Variants in SDC2 observed in about 807,000 individuals in gnomAD.
SDC2 encodes syndecan-2.
In SDC2, 13 loss-of-function variants were observed where a neutral mutation model predicts 22.2. That is an observed-to-expected ratio of 0.59 (90% CI 0.38 to 0.93). The LOEUF (loss-of-function observed/expected upper bound fraction) is 0.93. Ranked by LOEUF, SDC2 falls within the 40% of genes least tolerant of loss-of-function variation. The probability of loss-of-function intolerance (pLI) is 0.00; values close to 1 mark genes in which losing one functional copy is unlikely to be tolerated. For synonymous variants in SDC2, 94 were observed against 92.8 expected (o/e 1.01, Z -0.07); for missense variants, 235 against 246.8 (o/e 0.95, Z 0.32).
chr8:96,504,322 A>G (rs1183415914), intron 1 of SDC2, among the ~76,000 whole-genome samples: 1 of 152,238 alleles, frequency 6.6e-6, no homozygotes, highest in Non-Finnish European at 1.5e-5. Flanking sequence ...AGGATGGGCC[A>G]TGACATATAT....
At position 96,609,402 on chromosome 8, in the gene SDC2, G is replaced by A. The variant is rs1396510741; in HGVS notation, c.460G>A (p.Val154Ile). The stretch of plus-strand genomic sequence containing the variant: ...TGTTTCAGCTGTCATTGCTGGTGGA[G>A]TTATTGGCTTTCTCTTTGCAATTTT... ...EVLAAVIAGG[V>I]IGFLFAIFLI... The change falls in exon 5 of 5, where the codon GTT becomes ATT. Residue 154 changes from valine (V) to isoleucine (I), a missense_variant. Physicochemically the swap from Val to Ile is conservative, Grantham distance 29. Transcript: ENST00000302190. 1.2e-6 allele frequency: 2 copies of A among 1,612,034 alleles called. No homozygotes were observed. The highest frequency in any genetic ancestry group is 1.7e-6 in the Non-Finnish European group (2 of 1,179,144).
chr8:96,530,397 G>A (rs1467641543), intron 1 of SDC2, among the ~76,000 whole-genome samples: 1 of 152,224 alleles, frequency 6.6e-6, no homozygotes, highest in African/African-American at 2.4e-5. Context: ...ACTTTGGGAG[G>A]CCCAGGCAGG....
At chr8:96,502,419 A>G (rs941572660) in intron 1 of SDC2, among the ~76,000 whole-genome samples, 2 of 152,244 alleles carry the variant, frequency 1.3e-5, no homozygotes, top group African/African-American at 4.8e-5. Flanking sequence ...TTCTGATACA[A>G]GCCAGTGTAA....
chr8:96,501,852 A>G (rs533002623), intron 1 of SDC2, among the ~76,000 whole-genome samples: 1 of 152,286 alleles, frequency 6.6e-6, no homozygotes, highest in East Asian at 1.9e-4. Context: ...GATTAACTTA[A>G]TAAGTAATTA....
intron 1 of SDC2, among the ~76,000 whole-genome samples, chr8:96,575,129 G>T (rs1161183729): frequency 6.6e-6 from 1 of 152,174 alleles, no homozygotes; most frequent in Non-Finnish European, 1.5e-5. Flanking sequence ...ATCGGTATTG[G>T]TCTGTGGCCT....
intron 1 of SDC2, among the ~76,000 whole-genome samples, chr8:96,504,951 C>T (rs1813217735): frequency 6.6e-6 from 1 of 151,942 alleles, no homozygotes; most frequent in African/African-American, 2.4e-5. Flanking sequence ...GGGGGCTGTT[C>T]TCTGGCAGAC....
chr8:96,530,029 C>T (rs182020595), intron 1 of SDC2, among the ~76,000 whole-genome samples: 3 of 152,186 alleles, frequency 2.0e-5, no homozygotes, highest in East Asian at 1.9e-4. Flanking sequence ...GTGGCAGGGG[C>T]GGGGGGAAGT....
At chr8:96,530,226 A>G (rs1586282489) in intron 1 of SDC2, among the ~76,000 whole-genome samples, 1 of 152,306 alleles carries the variant, frequency 6.6e-6, no homozygotes, top group Non-Finnish European at 1.5e-5. Context: ...GAATTAGAAA[A>G]CTAATTGTCA....
Position 96,568,072 on chromosome 8 carries a change from C to T in SDC2, c.61-25408C>T, listed in dbSNP as rs144611323. 1.5e-4 allele frequency among the ~76,000 whole-genome samples: 23 copies of T among 152,292 alleles called. No individual in the cohort carries two copies. In the East Asian group the frequency reaches 2.1e-3, roughly 14 times the overall value. Reference sequence around the variant, plus strand: ...TGTATGGCAGTAAAACAAATTCTTGCGTTTTAGCATCAGTAAACTTAAAGG... The same window carrying T: ...TGTATGGCAGTAAAACAAATTCTTGTGTTTTAGCATCAGTAAACTTAAAGG... On this transcript the variant is annotated intron_variant, in intron 1 of 4. Transcript: ENST00000302190.
rs563587772 is a variant in SDC2 at position 96,556,501 on chromosome 8, C to T, written c.61-36979C>T. ...TACAACTATCTGATCTTTGACAAAC[C>T]TGACAAAAACAAGAAATGGGGAAAG... On this transcript the variant is annotated intron_variant, in intron 1 of 4. Coordinates refer to ENST00000302190, the MANE Select transcript of SDC2 (RefSeq NM_002998.4). 9.9e-5 allele frequency among the ~76,000 whole-genome samples: 15 copies of T among 152,006 alleles called. No individual in the cohort carries two copies. The Middle Eastern group carries it at 0.01, about 103-fold the overall frequency.
At chr8:96,501,918 C>T in intron 1 of SDC2, among the ~76,000 whole-genome samples, 1 of 152,094 alleles carries the variant, frequency 6.6e-6, no homozygotes, top group East Asian at 1.9e-4. Flanking sequence ...ATTTATTCAC[C>T]TTACAGAAAG....
chr8:96,526,595 G>A (rs539710313), intron 1 of SDC2, among the ~76,000 whole-genome samples: 2 of 152,216 alleles, frequency 1.3e-5, no homozygotes, highest in Admixed American at 1.3e-4. Context: ...GGAAACCACT[G>A]TTGAGGAGGA....
At chr8:96,505,365 G>A (rs965240060) in intron 1 of SDC2, among the ~76,000 whole-genome samples, 2 of 152,028 alleles carry the variant, frequency 1.3e-5, no homozygotes, top group Non-Finnish European at 2.9e-5. Context: ...GTGCAGTGGT[G>A]CGATCTCGGC....
intron 1 of SDC2, among the ~76,000 whole-genome samples, chr8:96,587,824 TTTA>T (rs1158081348): frequency 2.6e-5 from 4 of 152,062 alleles, no homozygotes; most frequent in Non-Finnish European, 4.4e-5. Flanking sequence ...TCCCCAGTCC[TTTA>T]TTATTATTAT....
chr8:96,578,398 C>A (rs750239853), intron 1 of SDC2, among the ~76,000 whole-genome samples: 2 of 152,174 alleles, frequency 1.3e-5, no homozygotes, highest in Non-Finnish European at 2.9e-5. Context: ...ACTCAATAGC[C>A]ATATGTGGCT....
intron 1 of SDC2, among the ~76,000 whole-genome samples, chr8:96,575,548 A>G (rs1015117240): frequency 6.6e-6 from 1 of 152,210 alleles, no homozygotes; most frequent in African/African-American, 2.4e-5. Context: ...TATACAATAC[A>G]TGAATAATTT....
intron 1 of SDC2, among the ~76,000 whole-genome samples, chr8:96,500,498 C>T (rs1227431263): frequency 6.6e-6 from 1 of 151,756 alleles, no homozygotes; most frequent in Non-Finnish European, 1.5e-5. Flanking sequence ...CCCGTCTCTA[C>T]TAAAAATATA....
At chr8:96,551,140 G>T (rs1814018298) in intron 1 of SDC2, among the ~76,000 whole-genome samples, 1 of 152,172 alleles carries the variant, frequency 6.6e-6, no homozygotes, top group Non-Finnish European at 1.5e-5. Flanking sequence ...ACCGTGGGGA[G>T]GATTTCTTTG....
chr8:96,505,804 G>A (rs760887043), intron 1 of SDC2, among the ~76,000 whole-genome samples: 2 of 152,162 alleles, frequency 1.3e-5, no homozygotes, highest in Non-Finnish European at 2.9e-5. Flanking sequence ...ATGGACACAC[G>A]TTACTATAAG....
Sources: gnomAD v4.1 joint callset for allele counts (sites outside exome capture counted in the v4.1 genomes callset) on GRCh38, gnomAD v4.1.1 for gene constraint, MANE v1.5 for transcripts, NCBI Gene and HGNC (gene_info 2026-07-23, HGNC 2026-07-21) for gene names.